Variants in KIRREL1 observed in about 807,000 individuals in gnomAD.
KIRREL1 encodes the protein kin of IRRE-like protein 1.
A neutral mutation model predicts 83.3 loss-of-function variants in KIRREL1; 25 were observed. The ratio of observed to expected loss-of-function variants is 0.30; its 90% CI spans 0.22 to 0.42. KIRREL1 has a LOEUF of 0.42. Ranked by LOEUF, KIRREL1 falls within the 10% of genes least tolerant of loss-of-function variation. The pLI is 1.00. For missense variants in KIRREL1, 812 were observed against 1,032.3 expected (o/e 0.79, Z 2.92); for synonymous variants, 388 against 410.4 (o/e 0.95, Z 0.66).
At chr1:158,071,207 C>A (rs927796955) in intron 1 of KIRREL1, among the ~76,000 whole-genome samples, 1 of 152,170 alleles carries the variant, frequency 6.6e-6, no homozygotes, top group Non-Finnish European at 1.5e-5. Flanking sequence ...CCACGCTGGG[C>A]TCTTTCCTAC....
intron 1 of KIRREL1, among the ~76,000 whole-genome samples, chr1:158,068,999 G>A (rs1051073034): frequency 3.9e-5 from 6 of 152,156 alleles, no homozygotes; most frequent in South Asian, 2.1e-4. Context: ...ATTACTGCTC[G>A]TTTGATAAAT....
In KIRREL1 at chr1:158,095,449, C is replaced by T. The variant is rs1662331366; in HGVS notation, c.*329C>T. On this transcript the variant is annotated 3_prime_UTR_variant, in exon 15 of 15. Coordinates refer to ENST00000359209, the MANE Select transcript of KIRREL1 (RefSeq NM_018240.7). ...GCACTTTTTAGCATTCCCTTTCTAT[C>T]CCACCCCTCTGATCTCCCATAAGTG... 2 of 246,174 alleles carry T rather than the reference C, an allele frequency of 8.1e-6. No individual in the cohort carries two copies. Among genetic ancestry groups the T allele is most frequent in the Non-Finnish European group, 1.5e-5 (2 of 129,172 alleles). The allele number at this position is 246,174 out of a possible 1,614,324, so 15.2% of individuals were successfully genotyped here.
chr1:158,085,866 G>C (rs1359148493), intron 4 of KIRREL1, among the ~76,000 whole-genome samples: 1 of 152,192 alleles, frequency 6.6e-6, no homozygotes, highest in Non-Finnish European at 1.5e-5. Context: ...GGAGTTTACA[G>C]TTTAGCAGAA....
chr1:158,073,526 G>A (rs1007115643), intron 1 of KIRREL1, among the ~76,000 whole-genome samples: 79 of 152,276 alleles, frequency 5.2e-4, no homozygotes, highest in African/African-American at 1.8e-3. Context: ...AGTTTACCAG[G>A]CAGGAAAATG....
intron 1 of KIRREL1, among the ~76,000 whole-genome samples, chr1:158,029,603 CTT>C (rs1227650567): frequency 2.0e-5 from 3 of 152,098 alleles, no homozygotes; most frequent in African/African-American, 7.2e-5. Flanking sequence ...TAGTTTATCT[CTT>C]AACACTGAGC....
rs184689367 is a variant in KIRREL1, at chr1:158,060,321, C to A, written c.53-15792C>A. On this transcript the variant is annotated intron_variant, in intron 1 of 14. Coordinates refer to ENST00000359209, the MANE Select transcript of KIRREL1 (RefSeq NM_018240.7). ...TTCTCAATCTCCCTGTCTGTAGCCA[C>A]CAGGATGAGCCAATTTCACCCATTC... Among the ~76,000 whole-genome samples, 19 of 152,304 alleles carry A rather than the reference C, an allele frequency of 1.2e-4. No homozygotes were observed. The East Asian group carries it at 3.1e-3, about 25-fold the overall frequency.
intron 1 of KIRREL1, among the ~76,000 whole-genome samples, chr1:158,071,322 C>T (rs761294345): frequency 3.3e-5 from 5 of 152,182 alleles, no homozygotes; most frequent in South Asian, 4.1e-4. Flanking sequence ...GCGTTGTCTA[C>T]GCCTCTGTCA....
chr1:158,028,324 A>G (rs906503847), intron 1 of KIRREL1, among the ~76,000 whole-genome samples: 5 of 151,414 alleles, frequency 3.3e-5, no homozygotes, highest in African/African-American at 9.7e-5. Context: ...CCTTGAATAA[A>G]CCCTCCCTAA....
chr1:158,031,329 ACACACACGCGCGTGCACACACACACATG>A (rs1660319707), intron 1 of KIRREL1, among the ~76,000 whole-genome samples: 1 of 150,720 alleles, frequency 6.6e-6, no homozygotes, highest in East Asian at 2.0e-4. Flanking sequence ...TCCACTAAAC[ACACACACGCGCGTGCACACACACACATG>A]CACACACACG....
chr1:158,025,878 A>T (rs1368386058), intron 1 of KIRREL1, among the ~76,000 whole-genome samples: 1 of 151,808 alleles, frequency 6.6e-6, no homozygotes, highest in Non-Finnish European at 1.5e-5. Context: ...GGAGGTCAGG[A>T]TGTCTGAAGA....
At chr1:158,089,259 C>G (rs1354350323) in intron 8 of KIRREL1, among the ~76,000 whole-genome samples, 2 of 152,228 alleles carry the variant, frequency 1.3e-5, no homozygotes, top group African/African-American at 2.4e-5. Flanking sequence ...TGATTGCAGC[C>G]TTCACCTGCC....
intron 1 of KIRREL1, among the ~76,000 whole-genome samples, chr1:158,023,390 CAG>C (rs1317194168): frequency 2.0e-5 from 3 of 152,170 alleles, no homozygotes; most frequent in Non-Finnish European, 2.9e-5. Flanking sequence ...GCTGAGGAAA[CAG>C]AGATGAATAC....
rs1050366894 is a variant in KIRREL1, at chr1:158,099,961, G to A, written c.*4841G>A. 3 of 152,038 alleles carry A rather than the reference G, an allele frequency of 2.0e-5. No homozygotes were observed. The highest frequency in any genetic ancestry group is 7.3e-5 in the African/African-American group (3 of 41,376). 9.4% of individuals were successfully genotyped at this position (152,038 alleles called of 1,614,324 possible). A position where few individuals can be genotyped will look rare whatever the true frequency, so the allele number is the denominator to read the frequency against. On this transcript the variant is annotated 3_prime_UTR_variant, in exon 15 of 15. Transcript: ENST00000359209. Reference sequence around the variant, plus strand: ...TCCCTGTGGTCACATTTTCTACCCAGCCATTCTTGGCATTGCAACCTCCAT... The same window carrying A: ...TCCCTGTGGTCACATTTTCTACCCAACCATTCTTGGCATTGCAACCTCCAT...
chr1:158,097,469 T>C lies in KIRREL1; in HGVS notation c.*2349T>C. On this transcript the variant is annotated 3_prime_UTR_variant, in exon 15 of 15. Transcript: ENST00000359209. Reference sequence around the variant, plus strand: ...AATTGAGCTGATGGTGCAGGGAGAATTGTTGAGAAAGGAAGCCTAGTTTCC... The same window carrying C: ...AATTGAGCTGATGGTGCAGGGAGAACTGTTGAGAAAGGAAGCCTAGTTTCC... The C allele has an allele frequency of 5.0e-6, 1 of 200,462 alleles. No homozygotes were observed. The highest frequency in any genetic ancestry group is 9.5e-5 in the South Asian group (1 of 10,472). 12.4% of individuals were successfully genotyped at this position (200,462 alleles called of 1,614,324 possible).
intron 1 of KIRREL1, among the ~76,000 whole-genome samples, chr1:157,995,777 C>A (rs1659179734): frequency 6.6e-6 from 1 of 151,746 alleles, no homozygotes; most frequent in Non-Finnish European, 1.5e-5. Context: ...GAAAGCAGGA[C>A]CTGGTGAAAG....
chr1:158,014,576 C>G (rs1659773141), intron 1 of KIRREL1, among the ~76,000 whole-genome samples: 1 of 145,894 alleles, frequency 6.9e-6, no homozygotes, highest in African/African-American at 2.5e-5. Context: ...CTGTAATCTT[C>G]TTTCCTTTAG....
intron 11 of KIRREL1, among the ~76,000 whole-genome samples, chr1:158,092,163 T>G (rs1016370186): frequency 1.5e-4 from 23 of 152,240 alleles, no homozygotes; most frequent in African/African-American, 4.8e-4. Flanking sequence ...AGAAAAGTGT[T>G]CTCTCCTTTA....
At chr1:157,994,323 T>C (rs1013239015) in intron 1 of KIRREL1, among the ~76,000 whole-genome samples, 27 of 145,648 alleles carry the variant, frequency 1.9e-4, no homozygotes, top group African/African-American at 6.5e-4. Flanking sequence ...TTGGAACCCC[T>C]GCCCACGGAG....
intron 1 of KIRREL1, among the ~76,000 whole-genome samples, chr1:158,051,645 C>G (rs1660912751): frequency 6.6e-6 from 1 of 152,180 alleles, no homozygotes. Context: ...TTTAATTCCC[C>G]TCTCTTGCTT....
Sources: gnomAD v4.1 joint callset for allele counts (sites outside exome capture counted in the v4.1 genomes callset) on GRCh38, gnomAD v4.1.1 for gene constraint, MANE v1.5 for transcripts, NCBI Gene and HGNC (gene_info 2026-07-23, HGNC 2026-07-21) for gene names.